The following TMEFF2 variants were observed in gnomAD, a reference collection of about 807,000 sequenced individuals.
TMEFF2 encodes the protein transmembrane protein with EGF like and two follistatin like domains 2, also known as tomoregulin-2.
In TMEFF2, 28 loss-of-function variants were observed where a neutral mutation model predicts 53.8. That is an observed-to-expected ratio of 0.52 (90% CI 0.39 to 0.71). The LOEUF (loss-of-function observed/expected upper bound fraction) is 0.71, where lower values mean the gene tolerates loss of function less well. TMEFF2 is among the 30% of genes least tolerant of loss of function. TMEFF2 has a pLI of 0.00. For missense variants in TMEFF2, 353 were observed against 455.2 expected (o/e 0.78, Z 2.04); for synonymous variants, 162 against 166.3 (o/e 0.97, Z 0.20).
chr2:192,180,638 T>C (rs1691163028), intron 3 of TMEFF2, among the ~76,000 whole-genome samples: 1 of 151,730 alleles, frequency 6.6e-6, no homozygotes, highest in Middle Eastern at 3.2e-3. Flanking sequence ...GGTTCAAGAC[T>C]TATACCAAAT....
rs750403752 is a variant in TMEFF2, at chr2:191,998,225, G to A, written c.745+37C>T. On this transcript the variant is annotated intron_variant, in intron 7 of 9. Coordinates refer to ENST00000272771, the MANE Select transcript of TMEFF2 (RefSeq NM_016192.4). The stretch of plus-strand genomic sequence containing the variant: ...CATTTCCCAGGACTCTCTTTTAATA[G>A]AAGAGCTCACATTTTGTAGAAGAAA... 2.7e-6 allele frequency: 4 copies of A among 1,496,114 alleles called. No individual in the cohort carries two copies. In the Admixed American group the frequency reaches 5.7e-5, roughly 21 times the overall value. 92.7% of individuals were successfully genotyped at this position (1,496,114 alleles called of 1,614,324 possible).
chr2:192,129,638 T>C (rs1261867554), intron 4 of TMEFF2, among the ~76,000 whole-genome samples: 1 of 152,132 alleles, frequency 6.6e-6, no homozygotes, highest in African/African-American at 2.4e-5. Flanking sequence ...AAATGCCATA[T>C]TTATGGTGAG....
chr2:192,169,764 G>C (rs1110294), intron 4 of TMEFF2, among the ~76,000 whole-genome samples: 80,246 of 151,640 alleles, frequency 0.53, 21,393 homozygotes, highest in East Asian at 0.63. Flanking sequence ...TCCACAGAGT[G>C]TGCTGACTTG....
intron 4 of TMEFF2, among the ~76,000 whole-genome samples, chr2:192,058,474 T>C (rs899199646): frequency 6.6e-6 from 1 of 152,142 alleles, no homozygotes; most frequent in Non-Finnish European, 1.5e-5. Context: ...ATAATGATGA[T>C]TGATATTGGT....
intron 5 of TMEFF2, among the ~76,000 whole-genome samples, chr2:192,023,003 T>A (rs867455467): frequency 3.3e-5 from 5 of 152,040 alleles, no homozygotes; most frequent in East Asian, 3.9e-4. Context: ...AAGATTTTTT[T>A]ATCTTTTTTT....
chr2:192,081,433 A>G (rs927571280), intron 4 of TMEFF2, among the ~76,000 whole-genome samples: 4 of 152,218 alleles, frequency 2.6e-5, no homozygotes, highest in African/African-American at 9.6e-5. Flanking sequence ...ATTCTAATTT[A>G]AGAAAGATCA....
At chr2:192,156,932 T>C (rs374034962) in intron 4 of TMEFF2, among the ~76,000 whole-genome samples, 2 of 152,142 alleles carry the variant, frequency 1.3e-5, no homozygotes, top group East Asian at 3.9e-4. Flanking sequence ...AAAGTCACAT[T>C]TGAGAGCCTA....
chr2:191,954,122 C>T (rs1045553167), intron 8 of TMEFF2, among the ~76,000 whole-genome samples: 13 of 151,980 alleles, frequency 8.6e-5, no homozygotes, highest in Non-Finnish European at 1.9e-4. Flanking sequence ...TTCCTGACCT[C>T]GTGATCCGCC....
chr2:192,025,975 A>G (rs925334294), intron 5 of TMEFF2, among the ~76,000 whole-genome samples: 4 of 152,200 alleles, frequency 2.6e-5, no homozygotes, highest in African/African-American at 7.2e-5. Flanking sequence ...ACATTCTTAC[A>G]TAAAACATGA....
chr2:192,184,296 A>C, intron 3 of TMEFF2, 58 bp downstream of exon 3: 1 of 1,591,748 alleles, frequency 6.3e-7, no homozygotes, highest in Non-Finnish European at 8.6e-7. Flanking sequence ...GAAATGAAAG[A>C]CATGGTTTTT....
chr2:192,081,784 T>C (rs1390328782), intron 4 of TMEFF2, among the ~76,000 whole-genome samples: 2 of 151,460 alleles, frequency 1.3e-5, no homozygotes, highest in East Asian at 3.9e-4. Context: ...GGTACCATAA[T>C]TATTAAACGA....
At chr2:192,100,244 T>TA (rs1689003898) in intron 4 of TMEFF2, among the ~76,000 whole-genome samples, 1 of 152,168 alleles carries the variant, frequency 6.6e-6, no homozygotes, top group Admixed American at 6.6e-5. Flanking sequence ...CTTGGAGGCT[T>TA]AAAATCTGAT....
intron 1 of TMEFF2, among the ~76,000 whole-genome samples, chr2:192,193,945 A>G (rs1374370299): frequency 6.6e-6 from 1 of 152,134 alleles, no homozygotes; most frequent in African/African-American, 2.4e-5. Flanking sequence ...TTTCTCGCTC[A>G]TTCTTTCTCA....
intron 4 of TMEFF2, among the ~76,000 whole-genome samples, chr2:192,145,864 C>A (rs1690238999): frequency 6.6e-6 from 1 of 151,964 alleles, no homozygotes; most frequent in South Asian, 2.1e-4. Context: ...ACCATATAAA[C>A]TTGTTCTTAC....
chr2:191,956,964 A>AAT (rs1692121036), intron 7 of TMEFF2, among the ~76,000 whole-genome samples: 9 of 152,340 alleles, frequency 5.9e-5, no homozygotes, highest in Admixed American at 6.5e-5. Context: ...TTAAATAAGA[A>AAT]AACGTTATTT....
intron 4 of TMEFF2, among the ~76,000 whole-genome samples, chr2:192,135,272 T>C (rs900463606): frequency 1.3e-5 from 2 of 152,186 alleles, no homozygotes; most frequent in African/African-American, 2.4e-5. Context: ...CTCTTAACTC[T>C]TGAAGTAAAT....
chr2:191,956,443 A>C (rs1475955273), intron 7 of TMEFF2, 65 bp from the exon 8 acceptor site: 11 of 1,529,900 alleles, frequency 7.2e-6, no homozygotes, highest in Non-Finnish European at 9.7e-6. Flanking sequence ...CAACCAGTAC[A>C]TTAAGAAGCA....
intron 5 of TMEFF2, among the ~76,000 whole-genome samples, chr2:192,033,913 C>T (rs1014722965): frequency 2.6e-5 from 4 of 152,038 alleles, no homozygotes; most frequent in Admixed American, 2.0e-4. Context: ...TGGTGGCTCA[C>T]GCCCGTAATC....
At chr2:192,080,987 G>A (rs1688538876) in intron 4 of TMEFF2, among the ~76,000 whole-genome samples, 1 of 152,022 alleles carries the variant, frequency 6.6e-6, no homozygotes, top group Admixed American at 6.6e-5. Flanking sequence ...TTTAAAATTA[G>A]CATTCATTGC....
Sources: gnomAD v4.1 joint callset for allele counts (sites outside exome capture counted in the v4.1 genomes callset) on GRCh38, gnomAD v4.1.1 for gene constraint, MANE v1.5 for transcripts, NCBI Gene and HGNC (gene_info 2026-07-23, HGNC 2026-07-21) for gene names.